Variants in PTPRN2 observed in about 807,000 individuals in gnomAD.
PTPRN2 encodes receptor-type tyrosine-protein phosphatase N2.
Under a neutral mutation model 118.8 loss-of-function variants are expected in PTPRN2, and 74 were observed. The ratio of observed to expected loss-of-function variants is 0.62; its 90% CI spans 0.52 to 0.76. PTPRN2 has a LOEUF of 0.76. Among genes scored for constraint, PTPRN2 ranks in the 30% least tolerant of loss-of-function variants. The probability of loss-of-function intolerance (pLI) is 0.00; values close to 1 mark genes in which losing one functional copy is unlikely to be tolerated. For synonymous variants in PTPRN2, 641 were observed against 608.0 expected (o/e 1.05, Z -0.80); for missense variants, 1,481 against 1,394.4 (o/e 1.06, Z -0.99).
chr7:158,562,016 G>A (rs1827421607), intron 1 of PTPRN2, among the ~76,000 whole-genome samples: 1 of 152,200 alleles, frequency 6.6e-6, no homozygotes, highest in African/African-American at 2.4e-5. Flanking sequence ...GATTCACAAA[G>A]GGGCCAATGA....
rs1826156171 is a variant in PTPRN2, at chr7:158,544,276, G to C, written c.112+43282C>G. ...CTAAAGCAAGCGTATCCAGCCCACA[G>C]GCCACGGCCCACGAGATGGCTCTGA... On this transcript the variant is annotated intron_variant, in intron 1 of 22. Transcript: ENST00000389418. The surrounding 1 kb of genome is among the most constrained non-coding windows in gnomAD (Gnocchi z 4.2). Among the ~76,000 whole-genome samples, 1 of 151,980 alleles carries C rather than the reference G, an allele frequency of 6.6e-6. No individual in the cohort carries two copies. The highest frequency in any genetic ancestry group is 1.5e-5 in the Non-Finnish European group (1 of 68,020).
chr7:158,279,590 C>T lies in PTPRN2; in HGVS notation c.277+37229G>A, dbSNP rs569158258. On this transcript the variant is annotated intron_variant, in intron 3 of 22. Coordinates refer to ENST00000389418, the MANE Select transcript of PTPRN2 (RefSeq NM_002847.5). ...GCAGTCCTCTCACGGGATCCAGCCT[C>T]CAATCAAGCCCAGCAGGTGCCGGCC... Among the ~76,000 whole-genome samples, 141 of 152,370 alleles carry T rather than the reference C, an allele frequency of 9.3e-4. 1 individual carries two copies. The highest frequency in any genetic ancestry group is 3.1e-3 in the African/African-American group (128 of 41,586).
chr7:157,802,576 C>T (rs927447154), intron 12 of PTPRN2, among the ~76,000 whole-genome samples: 2 of 152,218 alleles, frequency 1.3e-5, no homozygotes, highest in South Asian at 2.1e-4. Flanking sequence ...GATTTAACTT[C>T]CTTTGGATAA....
rs564254720 is a variant in PTPRN2, at chr7:157,805,560, C to T, written c.1788+93113G>A. ...TTAGACACATAGAACATGTATTCGA[C>T]GTAAACTCCCGGTTGTTTAAAGTCA... On this transcript the variant is annotated intron_variant, in intron 12 of 22. Coordinates refer to ENST00000389418, the MANE Select transcript of PTPRN2 (RefSeq NM_002847.5). Among the ~76,000 whole-genome samples, 26 of 152,264 alleles carry T rather than the reference C, an allele frequency of 1.7e-4. 1 individual carries two copies. The highest frequency in any genetic ancestry group is 2.6e-4 in the Admixed American group (4 of 15,296).
Position 157,622,248 on chromosome 7 carries a change from G to A in PTPRN2, c.2197-739C>T, listed in dbSNP as rs12539632. Among the ~76,000 whole-genome samples, 7,607 of 151,952 alleles carry A rather than the reference G, an allele frequency of 0.05. 388 individuals carry two copies. Among genetic ancestry groups the A allele is most frequent in the East Asian group, 0.28 (1,423 of 5,080 alleles). ...TGGCACCACAGGAAGTGACGGCCTCGTCTGCTGTCACTCTGCTTGTGGATT... is the reference window on the plus strand; with the variant it reads ...TGGCACCACAGGAAGTGACGGCCTCATCTGCTGTCACTCTGCTTGTGGATT... On this transcript the variant is annotated intron_variant, in intron 14 of 22. Transcript: ENST00000389418. This position sits in a 1 kb window ranked among gnomAD's most constrained non-coding sequence, Gnocchi z 5.3.
intron 3 of PTPRN2, among the ~76,000 whole-genome samples, chr7:158,211,561 T>G (rs138650542): frequency 1.1e-3 from 170 of 152,298 alleles, no homozygotes; most frequent in Middle Eastern, 3.4e-3. Context: ...GATATAACTC[T>G]GAATAGACAT....
intron 2 of PTPRN2, among the ~76,000 whole-genome samples, chr7:158,358,250 G>A (rs533866278): frequency 7.2e-5 from 11 of 152,296 alleles, no homozygotes; most frequent in African/African-American, 2.6e-4. Flanking sequence ...TTAAACTGGT[G>A]GGAGGGGCGT....
At chr7:157,733,021 C>T (rs1368786998) in intron 12 of PTPRN2, among the ~76,000 whole-genome samples, 2 of 27,926 alleles carry the variant, frequency 7.2e-5, no homozygotes, top group Admixed American at 3.1e-4. Flanking sequence ...GTTACCCTTT[C>T]CCGTCCCACG....
intron 12 of PTPRN2, among the ~76,000 whole-genome samples, chr7:157,754,387 C>T (rs750345892): frequency 3.9e-5 from 6 of 152,232 alleles, no homozygotes; most frequent in African/African-American, 1.2e-4. Context: ...CCCCGACACT[C>T]GGCTTCCACC....
At chr7:158,107,139 C>G (rs892546193) in intron 10 of PTPRN2, among the ~76,000 whole-genome samples, 2 of 152,202 alleles carry the variant, frequency 1.3e-5, no homozygotes, top group South Asian at 2.1e-4. Flanking sequence ...CTGCTGCCCC[C>G]CTTCTCTTCC....
intron 2 of PTPRN2, among the ~76,000 whole-genome samples, chr7:158,457,507 C>T (rs1165094166): frequency 1.3e-5 from 2 of 150,420 alleles, no homozygotes; most frequent in Non-Finnish European, 3.0e-5. Flanking sequence ...ACCAAACCTC[C>T]CTCTCCAGGG....
chr7:158,484,855 A>C (rs1015015737), intron 2 of PTPRN2, among the ~76,000 whole-genome samples: 10 of 152,070 alleles, frequency 6.6e-5, no homozygotes, highest in Non-Finnish European at 1.5e-4. Flanking sequence ...TCTTCAGTGG[A>C]GAAAGGGCTT....
chr7:158,044,724 A>C (rs974950675), intron 11 of PTPRN2, among the ~76,000 whole-genome samples: 30 of 152,236 alleles, frequency 2.0e-4, no homozygotes, highest in Admixed American at 6.5e-5. Flanking sequence ...CCTCAGAAAC[A>C]GTGTCCAGGG....
intron 12 of PTPRN2, among the ~76,000 whole-genome samples, chr7:157,751,957 G>C (rs1801495467): frequency 6.6e-6 from 1 of 152,076 alleles, no homozygotes; most frequent in Admixed American, 6.5e-5. Context: ...AGCCAAGTGG[G>C]ACTTGCAGTT....
At chr7:158,277,260 C>T (rs556339964) in intron 3 of PTPRN2, among the ~76,000 whole-genome samples, 2 of 152,234 alleles carry the variant, frequency 1.3e-5, no homozygotes, top group Non-Finnish European at 2.9e-5. Context: ...GCGAATCGGC[C>T]TCCAGCCTCC....
At chr7:157,839,964 GTGACTGTGTGACCACATT>G (rs1201645937) in intron 12 of PTPRN2, among the ~76,000 whole-genome samples, 1 of 151,920 alleles carries the variant, frequency 6.6e-6, no homozygotes, top group African/African-American at 2.4e-5. Flanking sequence ...GTGGCCACGT[GTGACTGTGTGACCACATT>G]TGACTGTGTG....
intron 11 of PTPRN2, among the ~76,000 whole-genome samples, chr7:158,025,886 C>T (rs118166377): frequency 0.043 from 6,511 of 152,326 alleles, 189 homozygotes; most frequent in Non-Finnish European, 0.064. Context: ...TTTGCTCTTC[C>T]GTTTACGTTC....
chr7:158,070,593 C>CCG lies in PTPRN2; in HGVS notation c.1723+10704_1723+10705insCG, dbSNP rs1811220800. The stretch of plus-strand genomic sequence containing the variant: ...GAGGTGCCCGTGGTGGTGGAGGTGC[C>CCG]TGTGGTGGAGGTGCTCCTGGTGGTG... On this transcript the variant is annotated intron_variant, in intron 11 of 22. Coordinates refer to ENST00000389418, the MANE Select transcript of PTPRN2 (RefSeq NM_002847.5). Among the ~76,000 whole-genome samples, 20 of 39,208 alleles carry CCG rather than the reference C, an allele frequency of 5.1e-4. 1 individual carries two copies. Among genetic ancestry groups the CCG allele is most frequent in the African/African-American group, 1.8e-3 (16 of 8,940 alleles). 25.7% of individuals were successfully genotyped at this position (39,208 alleles called of 152,430 possible).
rs527780357 is a variant in PTPRN2, at chr7:158,251,875, C to T, written c.278-46602G>A. On this transcript the variant is annotated intron_variant, in intron 3 of 22. Coordinates refer to ENST00000389418, the MANE Select transcript of PTPRN2 (RefSeq NM_002847.5). ...CACAGTAAGTGTGCAAATCCTGAAACGCTGTAAAACTGGACCTGTGACTTG... is the reference window on the plus strand; with the variant it reads ...CACAGTAAGTGTGCAAATCCTGAAATGCTGTAAAACTGGACCTGTGACTTG... Among the ~76,000 whole-genome samples, 47 of 152,250 alleles carry T rather than the reference C, an allele frequency of 3.1e-4. No homozygotes were observed. The Middle Eastern group carries it at 0.01, about 33-fold the overall frequency.
Sources: gnomAD v4.1 joint callset for allele counts (sites outside exome capture counted in the v4.1 genomes callset) on GRCh38, gnomAD v4.1.1 for gene constraint, Gnocchi (gnomAD v3.1) non-coding constraint, MANE v1.5 for transcripts, NCBI Gene and HGNC (gene_info 2026-07-23, HGNC 2026-07-21) for gene names.